The following PACS2 variants were observed in gnomAD, a reference collection of about 807,000 sequenced individuals.
PACS2 encodes the protein PACS1-like protein.
Under a neutral mutation model 113.0 loss-of-function variants are expected in PACS2, and 36 were observed. The observed-to-expected ratio is 0.32, with a 90% CI of 0.24 to 0.42. The LOEUF is 0.42. PACS2 is among the 10% of genes least tolerant of loss of function. The pLI, the probability that PACS2 is intolerant of heterozygous loss-of-function variation, is 1.00. For synonymous variants in PACS2, 589 were observed against 536.1 expected (o/e 1.10, Z -1.36); for missense variants, 1,015 against 1,239.5 (o/e 0.82, Z 2.72).
In PACS2 at chr14:105,348,698, A is replaced by G; in HGVS notation, c.207+118A>G. 1 of 774,942 alleles carries G rather than the reference A, an allele frequency of 1.3e-6. No individual in the cohort carries two copies. 48.0% of individuals were successfully genotyped at this position (774,942 alleles called of 1,614,324 possible). A position where few individuals can be genotyped will look rare whatever the true frequency, so the allele number is the denominator to read the frequency against. ...CTTGTGCCAAAACAGCGGGCAGCCC[A>G]TGCCATCTCCGGGAGCCCGGGGGGC... On this transcript the variant is annotated intron_variant, in intron 2 of 24. Coordinates refer to ENST00000447393, the MANE Select transcript of PACS2 (RefSeq NM_001100913.3). The surrounding 1 kb of genome is among the most constrained non-coding windows in gnomAD (Gnocchi z 6.4).
At chr14:105,342,353 C>G (rs1178043362) in intron 1 of PACS2, among the ~76,000 whole-genome samples, 1 of 151,786 alleles carries the variant, frequency 6.6e-6, no homozygotes, top group East Asian at 2.0e-4. Context: ...CTGCAGCCTC[C>G]AACTCCTGGG....
intron 24 of PACS2, 53 bp from the exon 25 acceptor site, chr14:105,394,501 A>G: frequency 3.1e-6 from 5 of 1,601,486 alleles, no homozygotes; most frequent in Non-Finnish European, 4.3e-6. Flanking sequence ...GCAGGTGGAT[A>G]GGGTGGGCAG....
chr14:105,364,564 G>C (rs1241115739), intron 4 of PACS2, among the ~76,000 whole-genome samples: 1 of 151,138 alleles, frequency 6.6e-6, no homozygotes, highest in African/African-American at 2.4e-5. Context: ...ATGTTGGCAA[G>C]AGGACGAGGT....
At chr14:105,316,282 G>A (rs2058623637) in intron 1 of PACS2, among the ~76,000 whole-genome samples, 1 of 152,244 alleles carries the variant, frequency 6.6e-6, no homozygotes, top group African/African-American at 2.4e-5. Context: ...GCCGAGCACT[G>A]CAGATGTGCC....
rs587651512 is a variant in PACS2, at chr14:105,329,273, C to T, written c.119+14236C>T. Among the ~76,000 whole-genome samples, 5 of 152,260 alleles carry T rather than the reference C, an allele frequency of 3.3e-5. No individual in the cohort carries two copies. The highest frequency in any genetic ancestry group is 1.2e-4 in the African/African-American group (5 of 41,552). On this transcript the variant is annotated intron_variant, in intron 1 of 24. Coordinates refer to ENST00000447393, the MANE Select transcript of PACS2 (RefSeq NM_001100913.3). This position sits in a 1 kb window ranked among gnomAD's most constrained non-coding sequence, Gnocchi z 6.4. The stretch of plus-strand genomic sequence containing the variant: ...TTTGCAGGGGCCTGGCTGCAGCTGC[C>T]CTGTGTGATCTCTGTCCCCGTCTTC...
intron 9 of PACS2, among the ~76,000 whole-genome samples, chr14:105,377,826 G>T (rs1048095390): frequency 6.6e-6 from 1 of 152,230 alleles, no homozygotes; most frequent in Non-Finnish European, 1.5e-5. Context: ...TTGCCATCCC[G>T]AGGCTGTGGC....
rs2059238874 is a variant in PACS2 at position 105,329,854 on chromosome 14, G to A, written c.119+14817G>A. The stretch of plus-strand genomic sequence containing the variant: ...AGGTCTCTGCAGCGGGAGCATCCAG[G>A]CCTGGAACTCGAGCTGTGGTGTGGT... On this transcript the variant is annotated intron_variant, in intron 1 of 24. Transcript: ENST00000447393. This position sits in a 1 kb window ranked among gnomAD's most constrained non-coding sequence, Gnocchi z 6.4. Among the ~76,000 whole-genome samples, 1 of 152,192 alleles carries A rather than the reference G, an allele frequency of 6.6e-6. No homozygotes were observed. Among genetic ancestry groups the A allele is most frequent in the South Asian group, 2.1e-4 (1 of 4,828 alleles).
Position 105,345,932 on chromosome 14 carries a change from G to A in PACS2, c.120-2561G>A, listed in dbSNP as rs1013966839. 6.6e-5 allele frequency among the ~76,000 whole-genome samples: 10 copies of A among 152,332 alleles called. No homozygotes were observed. In the East Asian group the frequency reaches 1.9e-3, roughly 29 times the overall value. On this transcript the variant is annotated intron_variant, in intron 1 of 24. Transcript: ENST00000447393. ...GCCCCCTCAGGCCAGGCCCTTCCGC[G>A]TTTCTGCCAAGTCCTAGGAGACTCT...
chr14:105,376,732 C>A lies in PACS2; in HGVS notation c.802-36C>A. 1 of 1,602,304 alleles carries A rather than the reference C, an allele frequency of 6.2e-7. No homozygotes were observed. The highest frequency in any genetic ancestry group is 8.5e-7 in the Non-Finnish European group (1 of 1,172,858). On this transcript the variant is annotated intron_variant, in intron 8 of 24. Transcript: ENST00000447393. The surrounding 1 kb of genome is among the most constrained non-coding windows in gnomAD (Gnocchi z 4.7). ...GCCCCCAGTGGGGCAATGTGGGCTG[C>A]TGCAGGGAACTCACGCGTGCCTGGC...
chr14:105,312,821 G>T (rs938168118), upstream of PACS2, among the ~76,000 whole-genome samples: 7 of 152,216 alleles, frequency 4.6e-5, no homozygotes, highest in African/African-American at 1.7e-4. Flanking sequence ...GTGGTCGCAG[G>T]CGTGACACAT....
intron 17 of PACS2, 75 bp downstream of exon 17, chr14:105,384,538 A>G (rs1595163003): frequency 1.1e-6 from 1 of 902,472 alleles, no homozygotes; most frequent in East Asian, 2.6e-5. Context: ...TGCTGTGCCC[A>G]GGAGGCCCTG....
chr14:105,364,341 T>TGTGGTGGGCGGTGTCCCGGGTGC (rs1566943140), intron 4 of PACS2, among the ~76,000 whole-genome samples: 1 of 46,330 alleles, frequency 2.2e-5, no homozygotes, highest in Non-Finnish European at 4.7e-5. Flanking sequence ...GGCCCGGGGG[T>TGTGGTGGGCGGTGTCCCGGGTGC]GTGGTGGGCG....
intron 2 of PACS2, among the ~76,000 whole-genome samples, chr14:105,351,590 C>G (rs1477243309): frequency 6.6e-6 from 1 of 152,212 alleles, no homozygotes; most frequent in Non-Finnish European, 1.5e-5. Flanking sequence ...CTAATCCCAG[C>G]ACTGTGGGAG....
Position 105,355,932 on chromosome 14 carries a change from C to T in PACS2, c.423+755C>T, listed in dbSNP as rs185138013. On this transcript the variant is annotated intron_variant, in intron 4 of 24. Coordinates refer to ENST00000447393, the MANE Select transcript of PACS2 (RefSeq NM_001100913.3). This position sits in a 1 kb window ranked among gnomAD's most constrained non-coding sequence, Gnocchi z 4.1. ...TTTGTCTCTTTTGCTTCAGAACTTT[C>T]CCCATCGTGGGGTTGTGTTCAGGGG... Among the ~76,000 whole-genome samples the T allele has an allele frequency of 8.3e-4, 126 of 152,290 alleles. 1 individual carries two copies. Among genetic ancestry groups the T allele is most frequent in the African/African-American group, 3.0e-3 (123 of 41,568 alleles).
chr14:105,362,430 AG>A lies in PACS2; in HGVS notation c.424-4782del, dbSNP rs200600655. On this transcript the variant is annotated intron_variant, in intron 4 of 24. Coordinates refer to ENST00000447393, the MANE Select transcript of PACS2 (RefSeq NM_001100913.3). ...AGACTCCGTCTCAAAAAAAAAAAAA[AG>A]AAAAGAAAAAAAAAGAATGGTGAGT... 1.3e-3 allele frequency among the ~76,000 whole-genome samples: 191 copies of A among 151,158 alleles called. 3 individuals are homozygous for A. Among genetic ancestry groups the A allele is most frequent in the African/African-American group, 4.5e-3 (184 of 40,730 alleles).
At chr14:105,383,651 A>G (rs2081073114) in intron 16 of PACS2, 138 bp downstream of exon 16, 2 of 705,934 alleles carry the variant, frequency 2.8e-6, no homozygotes, top group African/African-American at 3.6e-5. Flanking sequence ...GCGGTGTGGC[A>G]TGGCGTGGTG....
intron 19 of PACS2, among the ~76,000 whole-genome samples, chr14:105,385,941 C>G (rs1595168741): frequency 1.3e-5 from 2 of 152,340 alleles, no homozygotes; most frequent in East Asian, 1.9e-4. Context: ...CATCCGATCT[C>G]TGACACTGAG....
chr14:105,347,833 G>A (rs1219861779), intron 1 of PACS2, among the ~76,000 whole-genome samples: 1 of 152,176 alleles, frequency 6.6e-6, no homozygotes, highest in Non-Finnish European at 1.5e-5. Flanking sequence ...TACGGCAGAT[G>A]CCCCGGGGAG....
chr14:105,379,000 C>T (rs141328159), intron 9 of PACS2, among the ~76,000 whole-genome samples: 447 of 143,834 alleles, frequency 3.1e-3, no homozygotes, highest in South Asian at 0.017. Flanking sequence ...CTGGGTGGTC[C>T]GGAAAGGCAT....
Sources: allele counts gnomAD v4.1 joint callset (sites outside exome capture counted in the v4.1 genomes callset), GRCh38; gene constraint gnomAD v4.1.1; non-coding constraint Gnocchi (gnomAD v3.1); transcripts MANE v1.5; gene names NCBI Gene and HGNC (gene_info 2026-07-23, HGNC 2026-07-21).